Variants in KLHL3 observed in about 807,000 individuals in gnomAD.
KLHL3 encodes the protein kelch like family member 3, also known as kelch-like protein 3.
KLHL3 carries 19 observed loss-of-function variants against 70.5 expected under a neutral mutation model. The ratio of observed to expected loss-of-function variants is 0.27; its 90% CI spans 0.19 to 0.40. The LOEUF is 0.40. Among genes scored for constraint, KLHL3 ranks in the 10% least tolerant of loss-of-function variants. KLHL3 has a pLI of 1.00. For missense variants in KLHL3, 512 were observed against 771.1 expected (o/e 0.66, Z 3.98); for synonymous variants, 258 against 290.3 (o/e 0.89, Z 1.13).
chr5:137,634,787 C>T (rs549030158), intron 11 of KLHL3, among the ~76,000 whole-genome samples: 1 of 152,132 alleles, frequency 6.6e-6, no homozygotes, highest in African/African-American at 2.4e-5. Flanking sequence ...CCTGAGGTGC[C>T]GTCATTTACT....
At chr5:137,725,428 T>C (rs74326672) in intron 1 of KLHL3, among the ~76,000 whole-genome samples, 1,837 of 152,280 alleles carry the variant, frequency 0.012, 40 homozygotes, top group African/African-American at 0.042. Context: ...TACTAAAAAC[T>C]ATAGTCAGTG....
intron 1 of KLHL3, among the ~76,000 whole-genome samples, chr5:137,729,524 C>G (rs1466715105): frequency 2.6e-5 from 4 of 152,124 alleles, no homozygotes. Flanking sequence ...AGTTTGGCCT[C>G]CCCCGTGGTT....
chr5:137,723,371 C>T (rs1315988995), intron 1 of KLHL3, among the ~76,000 whole-genome samples: 1 of 152,164 alleles, frequency 6.6e-6, no homozygotes, highest in Admixed American at 6.5e-5. Flanking sequence ...CCCTCCTATC[C>T]ATGAACATAG....
intron 8 of KLHL3, among the ~76,000 whole-genome samples, chr5:137,642,547 C>G (rs2149887042): frequency 6.6e-6 from 1 of 152,246 alleles, no homozygotes; most frequent in Non-Finnish European, 1.5e-5. Flanking sequence ...CAAGATAACT[C>G]CATATACTTA....
intron 3 of KLHL3, among the ~76,000 whole-genome samples, chr5:137,699,078 T>G (rs189426890): frequency 6.6e-6 from 1 of 152,032 alleles, no homozygotes; most frequent in Non-Finnish European, 1.5e-5. Context: ...GAGTCCATAT[T>G]TGTAACCACT....
intron 14 of KLHL3, among the ~76,000 whole-genome samples, chr5:137,623,898 C>T (rs1367053005): frequency 3.3e-5 from 5 of 152,214 alleles, no homozygotes; most frequent in Admixed American, 1.3e-4. Flanking sequence ...TCATATCTGA[C>T]TCCAATATCC....
In KLHL3 at chr5:137,661,935, G is replaced by A. The variant is rs374622518; in HGVS notation, c.733C>T (p.Pro245Ser). ...LMEHVRLPLLPRDYLVQTVEE... is the reference protein window; with the variant it reads ...LMEHVRLPLLSRDYLVQTVEE... ...CTCACTTGGACTAGGTAGTCCCTAG[G>A]TAAGAGAGGAAGTCGGACATGTTCC... Residue 245 changes from proline to serine, a missense_variant, in exon 7 of 15, where the codon CCT (proline) becomes TCT (serine). Physicochemically the swap from Pro to Ser is moderately conservative, Grantham distance 74. Transcript: ENST00000309755. The A allele has an allele frequency of 3.5e-5, 56 of 1,604,234 alleles. No individual in the cohort carries two copies. The South Asian group carries it at 5.6e-4, about 16-fold the overall frequency.
intron 1 of KLHL3, among the ~76,000 whole-genome samples, chr5:137,735,296 C>T (rs1753243105): frequency 1.3e-5 from 2 of 152,208 alleles, no homozygotes; most frequent in African/African-American, 4.8e-5. Flanking sequence ...GAAAGGGAAA[C>T]GCCTCCTTGA....
At chr5:137,644,044 G>A (rs1750982528) in intron 8 of KLHL3, among the ~76,000 whole-genome samples, 1 of 152,020 alleles carries the variant, frequency 6.6e-6, no homozygotes, top group South Asian at 2.1e-4. Flanking sequence ...CATCCACGTT[G>A]TCACAAATGA....
chr5:137,663,859 G>T (rs1449390085), intron 6 of KLHL3, among the ~76,000 whole-genome samples: 1 of 152,168 alleles, frequency 6.6e-6, no homozygotes, highest in Non-Finnish European at 1.5e-5. Flanking sequence ...TTAAATATCA[G>T]TGAGAATAAT....
chr5:137,649,806 T>C (rs1751155013), intron 8 of KLHL3, among the ~76,000 whole-genome samples: 1 of 152,204 alleles, frequency 6.6e-6, no homozygotes, highest in Non-Finnish European at 1.5e-5. Context: ...GTAATTGATA[T>C]CTGCTGTTAT....
Position 137,638,977 on chromosome 5 carries a change from C to A in KLHL3, c.1195G>T (p.Val399Leu). The A allele has an allele frequency of 6.2e-7, 1 of 1,614,188 alleles. No individual in the cohort carries two copies. Among genetic ancestry groups the A allele is most frequent in the African/African-American group, 1.3e-5 (1 of 75,068 alleles). ...CCAGTACTGCCATCAAAGCCTCCCACTGCGTAGAGCAAGTCATTGAGCACC... is the reference window on the plus strand; with the variant it reads ...CCAGTACTGCCATCAAAGCCTCCCAATGCGTAGAGCAAGTCATTGAGCACC... ...AAVLNDLLYA[V>L]GGFDGSTGLA... Residue 399 changes from valine to leucine, a missense_variant, in exon 10 of 15, where the codon GTG (valine) becomes TTG (leucine). Physicochemically the swap from Val to Leu is conservative, Grantham distance 32. Transcript: ENST00000309755.
At chr5:137,654,808 G>A (rs1032279859) in intron 8 of KLHL3, among the ~76,000 whole-genome samples, 17 of 152,110 alleles carry the variant, frequency 1.1e-4, no homozygotes, top group Admixed American at 2.6e-4. Flanking sequence ...TAAGGAGTAG[G>A]GATGACAGAA....
intron 5 of KLHL3, among the ~76,000 whole-genome samples, chr5:137,683,713 T>C (rs2149911409): frequency 6.6e-6 from 1 of 152,100 alleles, no homozygotes; most frequent in East Asian, 1.9e-4. Flanking sequence ...TCCAGAAATA[T>C]TATGTGTTGT....
At chr5:137,629,585 T>A (rs1292178902) in intron 12 of KLHL3, 2 of 152,182 alleles carry the variant, frequency 1.3e-5, no homozygotes, top group African/African-American at 4.8e-5. Flanking sequence ...GAGGACTGTT[T>A]TTACCTTGTC....
intron 2 of KLHL3, among the ~76,000 whole-genome samples, chr5:137,710,361 C>T (rs1351369625): frequency 6.6e-6 from 1 of 152,124 alleles, no homozygotes; most frequent in African/African-American, 2.4e-5. Context: ...CTCTTTCGAC[C>T]CAGATTTAAC....
intron 1 of KLHL3, 54 bp downstream of exon 1, chr5:137,735,579 G>T: frequency 7.2e-7 from 1 of 1,392,412 alleles, no homozygotes; most frequent in Non-Finnish European, 1.0e-6. Flanking sequence ...TGCACCGCAA[G>T]CACACATACA....
intron 12 of KLHL3, among the ~76,000 whole-genome samples, chr5:137,630,262 C>T (rs1055101436): frequency 4.6e-5 from 7 of 152,232 alleles, no homozygotes; most frequent in African/African-American, 1.7e-4. Flanking sequence ...AGTGTGCCTC[C>T]CAGGGACACT....
intron 2 of KLHL3, among the ~76,000 whole-genome samples, chr5:137,710,828 G>A (rs1181256578): frequency 1.3e-5 from 2 of 152,132 alleles, no homozygotes; most frequent in Non-Finnish European, 2.9e-5. Context: ...ATGAGATAGG[G>A]CTAATTGTTA....
Sources: allele counts gnomAD v4.1 joint callset (sites outside exome capture counted in the v4.1 genomes callset), GRCh38; gene constraint gnomAD v4.1.1; transcripts MANE v1.5; gene names NCBI Gene and HGNC (gene_info 2026-07-23, HGNC 2026-07-21).